GBE1: variants seen among roughly 807,000 people sequenced by gnomAD.
The protein encoded by GBE1 is 1,4-alpha-glucan-branching enzyme.
In GBE1, 70 loss-of-function variants were observed where a neutral mutation model predicts 88.8. The observed-to-expected ratio is 0.79, with a 90% CI of 0.65 to 0.96. The LOEUF is 0.96. GBE1 is among the 40% of genes least tolerant of loss of function. GBE1 has a pLI of 0.00. For synonymous variants in GBE1, 284 were observed against 300.1 expected (o/e 0.95, Z 0.56); for missense variants, 872 against 871.0 (o/e 1.00, Z -0.01).
chr3:81,676,073 G>C (rs1705247031), intron 2 of GBE1, among the ~76,000 whole-genome samples: 1 of 151,954 alleles, frequency 6.6e-6, no homozygotes, highest in South Asian at 2.1e-4. Flanking sequence ...AGCTTACTTA[G>C]TTGTAAGAAC....
chr3:81,650,789 C>T (rs972462448), intron 3 of GBE1, among the ~76,000 whole-genome samples: 20 of 152,124 alleles, frequency 1.3e-4, no homozygotes, highest in Admixed American at 3.3e-4. Flanking sequence ...TTCAGCCTTT[C>T]GAGGAGCTGG....
chr3:81,631,564 G>C (rs952725370), intron 7 of GBE1, among the ~76,000 whole-genome samples: 7 of 150,680 alleles, frequency 4.6e-5, no homozygotes, highest in Admixed American at 4.0e-4. Context: ...GTGAAACCCC[G>C]TCTCTACTAA....
chr3:81,521,809 GAATA>G (rs1474908829), intron 14 of GBE1, among the ~76,000 whole-genome samples: 1 of 151,310 alleles, frequency 6.6e-6, no homozygotes, highest in African/African-American at 2.4e-5. Flanking sequence ...ATTATTAACT[GAATA>G]AATAAAGAAA....
chr3:81,512,265 T>A (rs1011709025), intron 14 of GBE1, among the ~76,000 whole-genome samples: 3 of 151,864 alleles, frequency 2.0e-5, no homozygotes, highest in Non-Finnish European at 2.9e-5. Flanking sequence ...ACCTGGCTGA[T>A]AGGATCATTC....
At position 81,642,913 on chromosome 3, in the gene GBE1, A is replaced by G; in HGVS notation, c.860T>C (p.Val287Ala). The G allele has an allele frequency of 6.2e-7, 1 of 1,612,978 alleles. No homozygotes were observed. Among genetic ancestry groups the G allele is most frequent in the Non-Finnish European group, 8.5e-7 (1 of 1,179,172 alleles). Residue 287 changes from valine to alanine, a missense_variant, in exon 7 of 16, where the codon GTG (valine) becomes GCG (alanine). Coordinates refer to ENST00000429644, the MANE Select transcript of GBE1 (RefSeq NM_000158.4). Reference sequence around the variant, plus strand: ...ATTTTTTGAAGCATGGCTGTGTACCACATCTAAGAGGACTATGATACCCAT... The same window carrying G: ...ATTTTTTGAAGCATGGCTGTGTACCGCATCTAAGAGGACTATGATACCCAT... ...HSMGIIVLLD[V>A]VHSHASKNSA...
At chr3:81,666,464 T>C (rs1021901689) in intron 3 of GBE1, among the ~76,000 whole-genome samples, 1 of 152,152 alleles carries the variant, frequency 6.6e-6, no homozygotes, top group Non-Finnish European at 1.5e-5. Flanking sequence ...AAATAAAAAG[T>C]TTTCCTGGGT....
chr3:81,627,608 T>C (rs1436580014), intron 7 of GBE1, among the ~76,000 whole-genome samples: 1 of 152,148 alleles, frequency 6.6e-6, no homozygotes, highest in African/African-American at 2.4e-5. Context: ...CAGTTAAATG[T>C]ATGTGTGTTG....
intron 12 of GBE1, among the ~76,000 whole-genome samples, chr3:81,555,047 T>C (rs1373787486): frequency 1.3e-5 from 2 of 152,184 alleles, no homozygotes; most frequent in African/African-American, 2.4e-5. Context: ...AAAAGTTCCA[T>C]AGCAGCATGA....
intron 14 of GBE1, among the ~76,000 whole-genome samples, chr3:81,503,261 G>A (rs1449383968): frequency 6.6e-6 from 1 of 152,128 alleles, no homozygotes; most frequent in Non-Finnish European, 1.5e-5. Flanking sequence ...ATATGAACAT[G>A]CGTAAATAGA....
At chr3:81,721,207 ATAAAT>A (rs1375219839) in intron 1 of GBE1, among the ~76,000 whole-genome samples, 3 of 89,904 alleles carry the variant, frequency 3.3e-5, no homozygotes, top group African/African-American at 6.6e-5. Context: ...ATAATAAAAA[ATAAAT>A]AAATAAATAA....
intron 1 of GBE1, among the ~76,000 whole-genome samples, chr3:81,741,135 A>C (rs577697852): frequency 2.3e-4 from 35 of 152,206 alleles, no homozygotes; most frequent in Non-Finnish European, 4.3e-4. Context: ...AACAATTAAC[A>C]ATACCGTCTA....
chr3:81,689,945 C>T (rs1705495970), intron 2 of GBE1, among the ~76,000 whole-genome samples: 1 of 152,108 alleles, frequency 6.6e-6, no homozygotes, highest in Non-Finnish European at 1.5e-5. Context: ...TCCCTTTTCA[C>T]CCAATAAAAC....
At chr3:81,545,413 C>T (rs1279456754) in intron 12 of GBE1, among the ~76,000 whole-genome samples, 1 of 151,980 alleles carries the variant, frequency 6.6e-6, no homozygotes, top group Non-Finnish European at 1.5e-5. Flanking sequence ...TATTAAATGT[C>T]CAACATAATT....
In GBE1 at chr3:81,526,256, C is replaced by G. The variant is rs1422712331; in HGVS notation, c.1934+8939G>C. On this transcript the variant is annotated intron_variant, in intron 14 of 15. Coordinates refer to ENST00000429644, the MANE Select transcript of GBE1 (RefSeq NM_000158.4). ...GTCTTTGTTTACGACAAACCCACAG[C>G]CAATATCATACTGAATGGGCAAAAA... 2.6e-5 allele frequency among the ~76,000 whole-genome samples: 4 copies of G among 151,930 alleles called. No individual in the cohort carries two copies. The South Asian group carries it at 8.3e-4, about 31-fold the overall frequency.
intron 14 of GBE1, among the ~76,000 whole-genome samples, chr3:81,502,587 G>A (rs1395500692): frequency 1.3e-5 from 2 of 152,112 alleles, no homozygotes; most frequent in East Asian, 1.9e-4. Flanking sequence ...TTATAATTGT[G>A]AATTGCTATC....
intron 7 of GBE1, among the ~76,000 whole-genome samples, chr3:81,605,379 C>T (rs55828412): frequency 0.064 from 9,810 of 152,094 alleles, 530 homozygotes; most frequent in African/African-American, 0.14. Context: ...TTCCAACATC[C>T]AGGCATGTTA....
intron 1 of GBE1, among the ~76,000 whole-genome samples, chr3:81,746,406 G>C (rs1412007685): frequency 6.6e-6 from 1 of 151,848 alleles, no homozygotes; most frequent in Non-Finnish European, 1.5e-5. Context: ...AGGACTACAG[G>C]TGCTCGCCAC....
At chr3:81,721,714 A>G (rs1706038516) in intron 1 of GBE1, among the ~76,000 whole-genome samples, 2 of 152,228 alleles carry the variant, frequency 1.3e-5, no homozygotes, top group South Asian at 4.1e-4. Flanking sequence ...TACAGCAACC[A>G]TTAAGAAACA....
intron 5 of GBE1, among the ~76,000 whole-genome samples, chr3:81,647,476 T>A (rs1704781549): frequency 6.6e-6 from 1 of 152,142 alleles, no homozygotes; most frequent in African/African-American, 2.4e-5. Context: ...ATTAAAAAAA[T>A]TCTAATATAT....
Sources: gnomAD v4.1 joint callset for allele counts (sites outside exome capture counted in the v4.1 genomes callset) on GRCh38, gnomAD v4.1.1 for gene constraint, MANE v1.5 for transcripts, NCBI Gene and HGNC (gene_info 2026-07-23, HGNC 2026-07-21) for gene names.